The following THSD4 variants were observed in gnomAD, a reference collection of about 807,000 sequenced individuals.
THSD4 encodes thrombospondin type-1 domain-containing protein 4.
In THSD4, 69 loss-of-function variants were observed where a neutral mutation model predicts 119.0. The ratio of observed to expected loss-of-function variants is 0.58; its 90% confidence interval spans 0.48 to 0.71. The LOEUF (loss-of-function observed/expected upper bound fraction) is 0.71. THSD4 is among the 30% of genes least tolerant of loss of function. THSD4 has a pLI of 0.00. For synonymous variants in THSD4, 524 were observed against 540.4 expected (o/e 0.97, Z 0.42); for missense variants, 1,393 against 1,391.1 (o/e 1.00, Z -0.02).
chr15:71,687,351 A>G (rs1244926996), intron 8 of THSD4, among the ~76,000 whole-genome samples: 1 of 152,176 alleles, frequency 6.6e-6, no homozygotes, highest in Non-Finnish European at 1.5e-5. Context: ...CCAGGAAGCT[A>G]TAACCAGAGC....
chr15:71,237,187 G>A (rs2044112755), intron 4 of THSD4, among the ~76,000 whole-genome samples: 2 of 152,284 alleles, frequency 1.3e-5, no homozygotes, highest in Admixed American at 6.5e-5. Flanking sequence ...GGAAGAGCCA[G>A]CCGTCTTCAG....
intron 3 of THSD4, among the ~76,000 whole-genome samples, chr15:71,196,163 A>G (rs1011009342): frequency 1.3e-5 from 2 of 152,182 alleles, no homozygotes; most frequent in African/African-American, 4.8e-5. Flanking sequence ...AGGTGGCAGA[A>G]GCCTCTTTTA....
intron 6 of THSD4, among the ~76,000 whole-genome samples, chr15:71,403,037 G>A (rs2046558398): frequency 1.3e-5 from 2 of 152,044 alleles, no homozygotes; most frequent in Non-Finnish European, 1.5e-5. Context: ...GGTATTCTAC[G>A]CATTTCGTCT....
intron 7 of THSD4, chr15:71,547,342 G>A (rs1453868638): frequency 9.3e-5 from 144 of 1,544,334 alleles, no homozygotes; most frequent in Non-Finnish European, 1.2e-4. Context: ...AGACACAAGT[G>A]CATCTGCTAG....
At chr15:71,716,396 T>C (rs2052607760) in intron 8 of THSD4, among the ~76,000 whole-genome samples, 2 of 152,214 alleles carry the variant, frequency 1.3e-5, no homozygotes, top group South Asian at 4.1e-4. Flanking sequence ...CAGTATAGGA[T>C]ATGTTTGGCC....
chr15:71,619,290 A>C (rs1327731383), intron 7 of THSD4, among the ~76,000 whole-genome samples: 1 of 152,122 alleles, frequency 6.6e-6, no homozygotes, highest in Non-Finnish European at 1.5e-5. Context: ...TATTTTCTAT[A>C]TCTTTCTGCA....
chr15:71,471,364 G>A (rs1039315507), intron 7 of THSD4, among the ~76,000 whole-genome samples: 1 of 152,092 alleles, frequency 6.6e-6, no homozygotes, highest in Non-Finnish European at 1.5e-5. Flanking sequence ...TTTACAGGAG[G>A]CCCTGACTCT....
At chr15:71,585,405 G>A (rs2140858374) in intron 7 of THSD4, among the ~76,000 whole-genome samples, 1 of 152,280 alleles carries the variant, frequency 6.6e-6, no homozygotes, top group East Asian at 1.9e-4. Context: ...TATCCTCACT[G>A]TCTCCTCACC....
chr15:71,726,690 C>A (rs1030867499), intron 8 of THSD4, among the ~76,000 whole-genome samples: 2 of 152,180 alleles, frequency 1.3e-5, no homozygotes, highest in African/African-American at 4.8e-5. Context: ...GTAATCCCAG[C>A]ACTTTGGGAG....
intron 7 of THSD4, among the ~76,000 whole-genome samples, chr15:71,605,403 T>C (rs2050090307): frequency 6.6e-6 from 1 of 151,990 alleles, no homozygotes; most frequent in Non-Finnish European, 1.5e-5. Context: ...CCCTGAGGGG[T>C]TTCACCCAGA....
At chr15:71,521,638 G>A (rs774049776) in intron 7 of THSD4, among the ~76,000 whole-genome samples, 1 of 152,158 alleles carries the variant, frequency 6.6e-6, no homozygotes, top group Non-Finnish European at 1.5e-5. Flanking sequence ...TAAGAAGATG[G>A]CCTCTTGGAT....
intron 7 of THSD4, among the ~76,000 whole-genome samples, chr15:71,454,150 G>A (rs561105905): frequency 1.3e-5 from 2 of 152,074 alleles, no homozygotes; most frequent in Admixed American, 1.3e-4. Flanking sequence ...CCAGCTACTT[G>A]GGAGGCTGAG....
intron 4 of THSD4, among the ~76,000 whole-genome samples, chr15:71,223,224 C>G (rs971014483): frequency 4.6e-5 from 7 of 152,274 alleles, no homozygotes; most frequent in African/African-American, 1.4e-4. Context: ...TTCAAGGTCA[C>G]GCAGAAGGCA....
chr15:71,267,725 G>T (rs1422492927), intron 6 of THSD4, among the ~76,000 whole-genome samples: 3 of 152,158 alleles, frequency 2.0e-5, no homozygotes, highest in Non-Finnish European at 4.4e-5. Flanking sequence ...CATCTCATGT[G>T]CTAAGACACA....
chr15:71,242,536 C>CT, intron 4 of THSD4, 113 bp from the exon 5 acceptor site: 1 of 1,170,394 alleles, frequency 8.5e-7, no homozygotes. Flanking sequence ...ACCATAGACC[C>CT]TTTCCCAAGC....
intron 7 of THSD4, among the ~76,000 whole-genome samples, chr15:71,487,369 A>G (rs1214030114): frequency 6.6e-6 from 1 of 152,218 alleles, no homozygotes; most frequent in Non-Finnish European, 1.5e-5. Context: ...ACAGCTGCAG[A>G]CTAGTTTTCA....
intron 7 of THSD4, among the ~76,000 whole-genome samples, chr15:71,557,631 C>G (rs1303370148): frequency 6.6e-6 from 1 of 152,062 alleles, no homozygotes. Flanking sequence ...AATTTTAAAC[C>G]ACCAGTTATT....
At chr15:71,642,651 G>A (rs1456889512) in intron 7 of THSD4, among the ~76,000 whole-genome samples, 1 of 152,086 alleles carries the variant, frequency 6.6e-6, no homozygotes, top group African/African-American at 2.4e-5. Context: ...TCCTTTGTAG[G>A]GACACGGATG....
chr15:71,229,341 G>T (rs1473521717), intron 4 of THSD4, among the ~76,000 whole-genome samples: 3 of 152,164 alleles, frequency 2.0e-5, no homozygotes, highest in Admixed American at 6.5e-5. Flanking sequence ...TTTAAATACA[G>T]TTGTCCCTTG....
Sources: allele counts gnomAD v4.1 joint callset (sites outside exome capture counted in the v4.1 genomes callset), GRCh38; gene constraint gnomAD v4.1.1; transcripts MANE v1.5; gene names NCBI Gene and HGNC (gene_info 2026-07-23, HGNC 2026-07-21).